LYPLA1: variants seen among roughly 807,000 people sequenced by gnomAD.
LYPLA1 encodes the protein acyl-protein thioesterase 1.
A neutral mutation model predicts 34.0 loss-of-function variants in LYPLA1; 17 were observed. The observed-to-expected ratio is 0.50, with a 90% confidence interval of 0.34 to 0.75. LYPLA1 has a LOEUF of 0.75. Ranked by LOEUF, LYPLA1 falls within the 30% of genes least tolerant of loss-of-function variation. LYPLA1 has a pLI of 0.01. For synonymous variants in LYPLA1, 98 were observed against 100.8 expected, an observed-to-expected ratio of 0.97 and a Z score of 0.17; for missense variants, 203 against 288.8, an observed-to-expected ratio of 0.70 and a Z score of 2.15.
chr8:54,094,048 T>C (rs933786022), intron 2 of LYPLA1, among the ~76,000 whole-genome samples: 21 of 152,238 alleles, frequency 1.4e-4, no homozygotes, highest in Non-Finnish European at 2.9e-4. Context: ...TCACAAAACA[T>C]ATCCATGTTG....
At chr8:54,085,764 G>C (rs1393231911) in intron 2 of LYPLA1, among the ~76,000 whole-genome samples, 1 of 40,646 alleles carries the variant, frequency 2.5e-5, no homozygotes, top group African/African-American at 1.0e-4. Context: ...TCAGTTAGGT[G>C]GGGGGGCAGC....
At chr8:54,065,649 A>T in intron 3 of LYPLA1, 99 bp downstream of exon 3, 1 of 759,108 alleles carries the variant, frequency 1.3e-6, no homozygotes, top group Non-Finnish European at 2.1e-6. Context: ...TAAAAAGTAA[A>T]AATTAACTGT....
chr8:54,091,024 G>A (rs181811862), intron 2 of LYPLA1, among the ~76,000 whole-genome samples: 227 of 152,220 alleles, frequency 1.5e-3, no homozygotes, highest in African/African-American at 4.2e-3. Context: ...ACCCAGTTTC[G>A]GTAATTATTT....
chr8:54,076,528 GC>G (rs112266862), intron 2 of LYPLA1, among the ~76,000 whole-genome samples: 20,068 of 152,030 alleles, frequency 0.13, 3,524 homozygotes, highest in African/African-American at 0.41. Flanking sequence ...TTGGGAGCAA[GC>G]CCCCCCGAAA....
At chr8:54,053,564 C>A (rs1805996169) in intron 6 of LYPLA1, 2 of 456,060 alleles carry the variant, frequency 4.4e-6, no homozygotes, top group Non-Finnish European at 4.4e-6. Context: ...GTTACTGCAA[C>A]ACATGAGTAC....
At chr8:54,095,470 C>A (rs1275341552) in intron 2 of LYPLA1, among the ~76,000 whole-genome samples, 2 of 151,936 alleles carry the variant, frequency 1.3e-5, no homozygotes, top group African/African-American at 4.8e-5. Flanking sequence ...CAAGGTATCT[C>A]CCCACAAAAT....
At chr8:54,079,176 C>T (rs1808126193) in intron 2 of LYPLA1, among the ~76,000 whole-genome samples, 1 of 151,964 alleles carries the variant, frequency 6.6e-6, no homozygotes, top group Non-Finnish European at 1.5e-5. Context: ...GATGGGGATT[C>T]ACCATGTTGG....
At position 54,061,909 on chromosome 8, in the gene LYPLA1, G is replaced by A. The variant is rs374122376; in HGVS notation, c.286+345C>T. Among the ~76,000 whole-genome samples the A allele has an allele frequency of 4.6e-5, 7 of 152,212 alleles. No individual in the cohort carries two copies. In the South Asian group the frequency reaches 1.2e-3, roughly 27 times the overall value. On this transcript the variant is annotated intron_variant, in intron 5 of 8. Coordinates refer to ENST00000316963, the MANE Select transcript of LYPLA1 (RefSeq NM_006330.4). ...TTGCTCTGGTTGCCCAGGCTGGAGC[G>A]CAGTGGGGCGATCTCAGCTCACTGC...
chr8:54,066,644 GGTGGTGTGCAC>G (rs1217504136), intron 2 of LYPLA1, among the ~76,000 whole-genome samples: 2 of 151,926 alleles, frequency 1.3e-5, no homozygotes, highest in African/African-American at 4.8e-5. Flanking sequence ...AGCCAGGCAT[GGTGGTGTGCAC>G]CTGTAGTCCC....
chr8:54,048,989 G>A (rs1805658209), intron 8 of LYPLA1, among the ~76,000 whole-genome samples: 1 of 152,182 alleles, frequency 6.6e-6, no homozygotes, highest in South Asian at 2.1e-4. Flanking sequence ...AGCCCATGAA[G>A]AAAACAGCTG....
At chr8:54,073,498 A>G (rs1037999093) in intron 2 of LYPLA1, 18 of 732,120 alleles carry the variant, frequency 2.5e-5, no homozygotes, top group East Asian at 7.6e-5. Context: ...CCAGGACTCC[A>G]GAACTACCAG....
At position 54,065,936 on chromosome 8, in the gene LYPLA1, TTTTG is replaced by T. The variant is rs569782543; in HGVS notation, c.102-127_102-124del. On this transcript the variant is annotated intron_variant, in intron 2 of 8. Transcript: ENST00000316963. ...GTTAAATCCTAAAAATATGGTTTTTTTTTGTTTGTTTGTTTTTTGAGATGGCGTC... is the reference window on the plus strand; with the variant it reads ...GTTAAATCCTAAAAATATGGTTTTTTTTTGTTTGTTTTTTGAGATGGCGTC... 7.2e-4 allele frequency: 502 copies of T among 694,020 alleles called. 3 individuals are homozygous for T. The highest frequency in any genetic ancestry group is 5.7e-3 in the Admixed American group (245 of 43,162). The allele number at this position is 694,020 out of a possible 1,614,324, so 43.0% of individuals were successfully genotyped here. A position where few individuals can be genotyped will look rare whatever the true frequency, so the allele number is the denominator to read the frequency against.
intron 2 of LYPLA1, among the ~76,000 whole-genome samples, chr8:54,066,422 T>A (rs1010738412): frequency 3.3e-5 from 5 of 152,232 alleles, no homozygotes; most frequent in African/African-American, 1.2e-4. Flanking sequence ...GATATATTTT[T>A]AAAATGTCTT....
chr8:54,100,952 AG>A lies in LYPLA1; in HGVS notation c.70-14del. 1 of 1,606,260 alleles carries A rather than the reference AG, an allele frequency of 6.2e-7. No individual in the cohort carries two copies. The highest frequency in any genetic ancestry group is 1.1e-5 in the South Asian group (1 of 90,876). On this transcript the variant is annotated splice_polypyrimidine_tract_variant and intron_variant, in intron 1 of 8. Transcript: ENST00000316963. ...GCAGGAAAATCACCTATAAGAGAAGAGGAAAATTAATAAGCAATGCCTAAAT... is the reference window on the plus strand; with the variant it reads ...GCAGGAAAATCACCTATAAGAGAAGAGAAAATTAATAAGCAATGCCTAAAT...
chr8:54,060,532 G>A (rs910998016), intron 5 of LYPLA1, among the ~76,000 whole-genome samples: 12 of 152,152 alleles, frequency 7.9e-5, no homozygotes, highest in Non-Finnish European at 1.6e-4. Flanking sequence ...CTCCTAACCA[G>A]AGACCAGGCT....
Position 54,062,295 on chromosome 8 carries a change from G to A in LYPLA1, c.245C>T (p.Ser82Leu). The A allele has an allele frequency of 1.2e-6, 2 of 1,605,974 alleles. No homozygotes were observed. The highest frequency in any genetic ancestry group is 1.7e-6 in the Non-Finnish European group (2 of 1,177,296). The change falls in exon 5 of 9, where the codon TCA becomes TTA. Residue 82 changes from serine (S) to leucine (L), a missense_variant. Physicochemically the swap from Ser to Leu is moderately radical, Grantham distance 145 (BLOSUM62 -2). This residue lies in a region of LYPLA1 where 123 missense variants were observed against 199.2 expected (regional missense o/e 0.62). Coordinates refer to ENST00000316963, the MANE Select transcript of LYPLA1 (RefSeq NM_006330.4). ...WFDIIGLSPD[S>L]QEDESGIKQA... Reference sequence around the variant, plus strand: ...TTTAATCCCAGATTCATCCTCCTGTGAATCTGGTGAAAGCCCAATAATATC... The same window carrying A: ...TTTAATCCCAGATTCATCCTCCTGTAAATCTGGTGAAAGCCCAATAATATC...
chr8:54,080,728 C>T (rs1057141173), intron 2 of LYPLA1, among the ~76,000 whole-genome samples: 5 of 152,164 alleles, frequency 3.3e-5, no homozygotes, highest in African/African-American at 1.2e-4. Context: ...GCTGGGACTA[C>T]AGGCCTGTGC....
intron 2 of LYPLA1, among the ~76,000 whole-genome samples, chr8:54,066,426 AT>A (rs1807074213): frequency 6.6e-6 from 1 of 152,176 alleles, no homozygotes; most frequent in South Asian, 2.1e-4. Context: ...TATTTTTAAA[AT>A]GTCTTTATAC....
intron 2 of LYPLA1, among the ~76,000 whole-genome samples, chr8:54,081,330 A>G (rs1202208107): frequency 6.6e-6 from 1 of 152,094 alleles, no homozygotes; most frequent in Non-Finnish European, 1.5e-5. Context: ...TTAACCACAT[A>G]GACCCTTGTT....
Sources: allele counts gnomAD v4.1 joint callset (sites outside exome capture counted in the v4.1 genomes callset), GRCh38; gene constraint gnomAD v4.1.1; regional missense constraint gnomAD v4.1.1; transcripts MANE v1.5; gene names NCBI Gene and HGNC (gene_info 2026-07-23, HGNC 2026-07-21).